The following SLC2A9 variants were observed in gnomAD, a reference collection of about 807,000 sequenced individuals.
SLC2A9 encodes the protein solute carrier family 2, facilitated glucose transporter member 9.
A neutral mutation model predicts 50.6 loss-of-function variants in SLC2A9; 39 were observed. That is an observed-to-expected ratio of 0.77 (90% CI 0.60 to 1.01). The LOEUF is 1.01. Ranked by LOEUF, SLC2A9 falls within the 50% of genes least tolerant of loss-of-function variation. The probability of loss-of-function intolerance (pLI) is 0.00; values close to 1 mark genes in which losing one functional copy is unlikely to be tolerated. For missense variants in SLC2A9, 686 were observed against 677.6 expected, an observed-to-expected ratio of 1.01 and a Z score of -0.14; for synonymous variants, 324 against 276.9, an observed-to-expected ratio of 1.17 and a Z score of -1.69.
At chr4:9,918,186 C>G (rs1743233500) in intron 7 of SLC2A9, among the ~76,000 whole-genome samples, 1 of 152,122 alleles carries the variant, frequency 6.6e-6, no homozygotes, top group African/African-American at 2.4e-5. Flanking sequence ...ATGTCATGTC[C>G]CCCAAATAAT....
chr4:9,941,704 C>A (rs1748161162), intron 6 of SLC2A9, among the ~76,000 whole-genome samples: 1 of 152,148 alleles, frequency 6.6e-6, no homozygotes, highest in Admixed American at 6.5e-5. Flanking sequence ...TGGGAGACTC[C>A]CTGGGTGACT....
chr4:9,808,855 G>A (rs1168081976), intron 3 of SLC2A9, among the ~76,000 whole-genome samples: 3 of 152,064 alleles, frequency 2.0e-5, no homozygotes, highest in Non-Finnish European at 2.9e-5. Flanking sequence ...CAACTCCAGG[G>A]GCACCATTCA....
At chr4:9,811,156 C>G (rs936373278) in intron 3 of SLC2A9, among the ~76,000 whole-genome samples, 4 of 152,204 alleles carry the variant, frequency 2.6e-5, no homozygotes, top group African/African-American at 9.7e-5. Context: ...CACAAATGAC[C>G]TGAATAGGGC....
intron 11 of SLC2A9, among the ~76,000 whole-genome samples, chr4:9,830,331 T>C (rs569316594): frequency 6.2e-4 from 94 of 152,174 alleles, no homozygotes; most frequent in South Asian, 2.1e-4. Flanking sequence ...CATGGACACA[T>C]TGAGGGGAAC....
chr4:9,911,268 G>A (rs1186463902), intron 7 of SLC2A9, among the ~76,000 whole-genome samples: 3 of 152,094 alleles, frequency 2.0e-5, no homozygotes, highest in Non-Finnish European at 4.4e-5. Context: ...GTCCTGCCGG[G>A]CTGGCCCTGT....
intron 5 of SLC2A9, among the ~76,000 whole-genome samples, chr4:9,948,077 T>C (rs1248186690): frequency 6.6e-6 from 1 of 152,186 alleles, no homozygotes; most frequent in East Asian, 1.9e-4. Flanking sequence ...CTCAGGCATG[T>C]ATGTTCTTGC....
intron 3 of SLC2A9, among the ~76,000 whole-genome samples, chr4:9,996,567 T>C (rs1758708143): frequency 6.8e-6 from 1 of 146,804 alleles, no homozygotes. Flanking sequence ...CCAGTCCCTA[T>C]ACGCTTCTGC....
chr4:9,888,365 A>ACAT, intron 9 of SLC2A9, among the ~76,000 whole-genome samples: 1 of 151,938 alleles, frequency 6.6e-6, no homozygotes, highest in African/African-American at 2.4e-5. Flanking sequence ...CTTAGTTCTG[A>ACAT]TATTATTACA....
At chr4:9,926,993 C>A (rs1205656280) in intron 6 of SLC2A9, among the ~76,000 whole-genome samples, 2 of 151,688 alleles carry the variant, frequency 1.3e-5, no homozygotes, top group African/African-American at 4.8e-5. Flanking sequence ...GGACTTCTGG[C>A]CTCCAGAACT....
At chr4:10,016,821 A>AC (rs1325373689) in intron 2 of SLC2A9, among the ~76,000 whole-genome samples, 1 of 151,854 alleles carries the variant, frequency 6.6e-6, no homozygotes, top group Non-Finnish European at 1.5e-5. Context: ...GCAAACCCCC[A>AC]CCCCCATGAA....
chr4:9,879,231 G>C (rs1236606984), intron 10 of SLC2A9: 2 of 985,292 alleles, frequency 2.0e-6, no homozygotes, highest in Admixed American at 6.1e-5. Context: ...CTGTTTCTAA[G>C]AAAGTCTCAA....
chr4:9,910,575 G>C (rs904644239), intron 7 of SLC2A9, among the ~76,000 whole-genome samples: 6 of 152,182 alleles, frequency 3.9e-5, no homozygotes, highest in Non-Finnish European at 2.9e-5. Context: ...GAAGGTGTCT[G>C]ACATTTGTGT....
At chr4:9,892,444 C>T (rs1043145917) in intron 8 of SLC2A9, among the ~76,000 whole-genome samples, 8 of 152,168 alleles carry the variant, frequency 5.3e-5, no homozygotes, top group African/African-American at 1.9e-4. Flanking sequence ...TAAACTTGGC[C>T]TCCTAGAAAC....
At chr4:9,870,660 G>C (rs954336146) in intron 10 of SLC2A9, among the ~76,000 whole-genome samples, 2 of 152,240 alleles carry the variant, frequency 1.3e-5, no homozygotes, top group African/African-American at 4.8e-5. Flanking sequence ...TAGGCTGCGG[G>C]AAAGTGATAA....
intron 8 of SLC2A9, among the ~76,000 whole-genome samples, chr4:9,898,491 ATC>A (rs1360893390): frequency 6.6e-6 from 1 of 152,176 alleles, no homozygotes; most frequent in Non-Finnish European, 1.5e-5. Context: ...CAATGTGTAT[ATC>A]TCTCTATATA....
At chr4:10,036,052 T>C in intron 1 of SLC2A9, 1 of 203,336 alleles carries the variant, frequency 4.9e-6, no homozygotes, top group South Asian at 1.0e-4. Flanking sequence ...TCAAGGGACT[T>C]CTCAGCCTCC....
intron 5 of SLC2A9, among the ~76,000 whole-genome samples, chr4:9,969,047 T>C (rs1431871122): frequency 2.0e-5 from 3 of 152,194 alleles, no homozygotes; most frequent in Non-Finnish European, 4.4e-5. Flanking sequence ...AAATGCTAAA[T>C]TAAATCTTTT....
At chr4:9,992,361 G>T (rs1047076252) in intron 3 of SLC2A9, among the ~76,000 whole-genome samples, 3 of 152,224 alleles carry the variant, frequency 2.0e-5, no homozygotes, top group African/African-American at 7.2e-5. Context: ...TTTGGAACTG[G>T]AAAATTCTTT....
rs111970408 is a variant in SLC2A9, at chr4:9,996,247, T to C, written c.410+534A>G. Among the ~76,000 whole-genome samples the C allele has an allele frequency of 2.7e-3, 417 of 152,348 alleles. 2 individuals are homozygous for C. The highest frequency in any genetic ancestry group is 9.3e-3 in the African/African-American group (386 of 41,578). ...AATAAATGATGAGACAGCCATATAG[T>C]GGAAGACTGTCTAAGCAGTCAATTT... is the stretch of plus-strand genomic sequence containing the variant. On this transcript the variant is annotated intron_variant, in intron 3 of 11. Transcript: ENST00000264784.
Sources: gnomAD v4.1 joint callset for allele counts (sites outside exome capture counted in the v4.1 genomes callset) on GRCh38, gnomAD v4.1.1 for gene constraint, MANE v1.5 for transcripts, NCBI Gene and HGNC (gene_info 2026-07-23, HGNC 2026-07-21) for gene names.